Variants in HOMER2 observed in about 807,000 individuals in gnomAD.
HOMER2 encodes homer scaffold protein 2.
HOMER2 carries 27 observed loss-of-function variants against 47.0 expected under a neutral mutation model. That is an observed-to-expected ratio of 0.57 (90% CI 0.42 to 0.79). HOMER2 has a LOEUF of 0.79. HOMER2 is among the 30% of genes least tolerant of loss of function. The pLI is 0.00. For missense variants in HOMER2, 443 were observed against 435.0 expected (o/e 1.02, Z -0.16); for synonymous variants, 161 against 163.8 (o/e 0.98, Z 0.13).
chr15:82,977,498 G>A lies in HOMER2; in HGVS notation n.82+8289C>T, dbSNP rs552847714. 2.6e-5 allele frequency among the ~76,000 whole-genome samples: 4 copies of A among 152,252 alleles called. No individual in the cohort carries two copies. The East Asian group carries it at 7.7e-4, about 29-fold the overall frequency. On this transcript the variant is annotated intron_variant and non_coding_transcript_variant, in intron 1 of 1. Coordinates refer to the HOMER2 transcript ENST00000500334. ...TGCTCAGAGAAAACTTTTAGATTAC[G>A]TCACAATTTTCAGAGCCTCAAATCA...
chr15:82,975,305 T>C (rs1164079370), intron 1 of HOMER2, among the ~76,000 whole-genome samples: 8 of 151,904 alleles, frequency 5.3e-5, no homozygotes, highest in Admixed American at 1.3e-4. Flanking sequence ...ATTTTGGAGG[T>C]TCCTCAAAAA....
chr15:82,956,148 G>T (rs1399180441), upstream of HOMER2, among the ~76,000 whole-genome samples: 1 of 151,222 alleles, frequency 6.6e-6, no homozygotes, highest in Non-Finnish European at 1.5e-5. Context: ...GCTGAGGCAG[G>T]AGAATCACTT....
chr15:82,930,285 T>A (rs1481979265), intron 1 of HOMER2, among the ~76,000 whole-genome samples: 1 of 152,076 alleles, frequency 6.6e-6, no homozygotes, highest in African/African-American at 2.4e-5. Context: ...TGAAATACCG[T>A]ATAAAGGGAG....
intron 1 of HOMER2, among the ~76,000 whole-genome samples, chr15:82,973,461 A>C (rs1256988807): frequency 1.3e-5 from 2 of 152,192 alleles, no homozygotes; most frequent in African/African-American, 2.4e-5. Flanking sequence ...AGCTCTGCCC[A>C]GTGCCTGGCA....
In HOMER2 at chr15:82,910,684, C is replaced by A. The variant is rs576469263; in HGVS notation, c.6-17843G>T. Among the ~76,000 whole-genome samples the A allele has an allele frequency of 2.0e-5, 3 of 152,246 alleles. No individual in the cohort carries two copies. In the East Asian group the frequency reaches 5.8e-4, roughly 29 times the overall value. Reference sequence around the variant, plus strand: ...TCTAATTTCCCAGATAAGGAGTTTGCCTCGGAAGGCGTGTTTGATGGTCAC... The same window carrying A: ...TCTAATTTCCCAGATAAGGAGTTTGACTCGGAAGGCGTGTTTGATGGTCAC... On this transcript the variant is annotated intron_variant, in intron 1 of 8. Transcript: ENST00000450735.
chr15:82,882,345 T>C (rs1050801710), intron 2 of HOMER2, among the ~76,000 whole-genome samples: 3 of 152,170 alleles, frequency 2.0e-5, no homozygotes, highest in Admixed American at 6.5e-5. Context: ...CCCCCTTCTA[T>C]GGCGTTGCCC....
chr15:82,849,915 A>T lies in HOMER2; in HGVS notation c.844-12T>A. On this transcript the variant is annotated splice_polypyrimidine_tract_variant and intron_variant, in intron 8 of 8. Coordinates refer to ENST00000450735, the MANE Select transcript of HOMER2 (RefSeq NM_004839.4). The stretch of plus-strand genomic sequence containing the variant: ...TCTCTCTCTGCCGCCTGGCCAAGCA[A>T]AAGGGAGAAGGGTCTAGAAAACTGA... 6.2e-7 allele frequency: 1 copy of T among 1,612,892 alleles called. No individual in the cohort carries two copies. Among genetic ancestry groups the T allele is most frequent in the African/African-American group, 1.3e-5 (1 of 75,004 alleles).
chr15:82,859,323 A>G, intron 4 of HOMER2, 188 bp from the exon 5 acceptor site: 1 of 728,852 alleles, frequency 1.4e-6, no homozygotes, highest in Non-Finnish European at 2.2e-6. Context: ...TTAAACAAAC[A>G]AACAAACAAA....
At chr15:82,866,796 A>C (rs939623567) in intron 3 of HOMER2, among the ~76,000 whole-genome samples, 1 of 152,206 alleles carries the variant, frequency 6.6e-6, no homozygotes, top group Non-Finnish European at 1.5e-5. Context: ...ACCTTCCGCC[A>C]TGATTGTGAG....
At chr15:82,920,772 G>A (rs901070381) in intron 1 of HOMER2, among the ~76,000 whole-genome samples, 10 of 151,870 alleles carry the variant, frequency 6.6e-5, no homozygotes, top group African/African-American at 1.7e-4. Flanking sequence ...ATACGGTAAC[G>A]TAGGTTCAGA....
intron 1 of HOMER2, among the ~76,000 whole-genome samples, chr15:82,969,762 G>A (rs887560841): frequency 3.9e-5 from 6 of 152,194 alleles, no homozygotes; most frequent in African/African-American, 1.2e-4. Context: ...TAAACTTAGG[G>A]AAGATGCAGG....
chr15:82,952,335 T>G (rs898100228), intron 1 of HOMER2, among the ~76,000 whole-genome samples, 196 bp downstream of exon 1: 54 of 152,182 alleles, frequency 3.5e-4, no homozygotes, highest in African/African-American at 1.3e-3. Flanking sequence ...AGGGTGCCCC[T>G]GCTGGGTGTC....
At chr15:82,942,657 C>A (rs2054289919) in intron 1 of HOMER2, among the ~76,000 whole-genome samples, 2 of 152,230 alleles carry the variant, frequency 1.3e-5, no homozygotes, top group Non-Finnish European at 2.9e-5. Flanking sequence ...ACCAGCAACA[C>A]AAATCCCTAG....
intron 6 of HOMER2, 115 bp downstream of exon 6, chr15:82,854,529 T>C (rs1168704988): frequency 2.8e-6 from 3 of 1,079,898 alleles, no homozygotes; most frequent in South Asian, 1.7e-5. Context: ...CAAGTCTTCC[T>C]CTGGCCATGG....
intron 1 of HOMER2, among the ~76,000 whole-genome samples, chr15:82,924,628 A>G (rs1191463389): frequency 2.0e-5 from 3 of 152,280 alleles, no homozygotes; most frequent in South Asian, 4.2e-4. Context: ...GTCATACGGC[A>G]ATGCTTGCTA....
In HOMER2 at chr15:82,913,508, A is replaced by G. The variant is rs775428105; in HGVS notation, c.6-20667T>C. Among the ~76,000 whole-genome samples, 9 of 152,166 alleles carry G rather than the reference A, an allele frequency of 5.9e-5. No homozygotes were observed. Among genetic ancestry groups the G allele is most frequent in the Non-Finnish European group, 1.0e-4 (7 of 68,032 alleles). On this transcript the variant is annotated intron_variant, in intron 1 of 8. Coordinates refer to ENST00000450735, the MANE Select transcript of HOMER2 (RefSeq NM_004839.4). The surrounding 1 kb of genome is among the most constrained non-coding windows in gnomAD (Gnocchi z 4.1). ...CTACTGCCTACAGCCCAGGGCACAC[A>G]GCCTGCCTCCCCCTATTTCTGCTAT...
At chr15:82,969,446 G>A (rs577015716) in intron 1 of HOMER2, among the ~76,000 whole-genome samples, 3 of 152,282 alleles carry the variant, frequency 2.0e-5, no homozygotes, top group Admixed American at 1.3e-4. Context: ...TCTTATGGCT[G>A]CCTAGACATC....
chr15:82,841,283 A>T (rs1185235536), exon 2 of HOMER2: 1 of 152,188 alleles, frequency 6.6e-6, no homozygotes, highest in East Asian at 1.9e-4. Context: ...AGAAATGCAG[A>T]GATGTCTTAA....
At chr15:82,852,662 C>T (rs911399695) in intron 6 of HOMER2, 6 of 163,200 alleles carry the variant, frequency 3.7e-5, no homozygotes, top group Non-Finnish European at 5.3e-5. Context: ...ACTGTAATCA[C>T]GTCCTGCATT....
Sources: allele counts gnomAD v4.1 joint callset (sites outside exome capture counted in the v4.1 genomes callset), GRCh38; gene constraint gnomAD v4.1.1; non-coding constraint Gnocchi (gnomAD v3.1); transcripts MANE v1.5; gene names NCBI Gene and HGNC (gene_info 2026-07-23, HGNC 2026-07-21).